The following FHIT variants were observed in gnomAD, a reference collection of about 807,000 sequenced individuals.
The protein encoded by FHIT is fragile histidine triad diadenosine triphosphatase.
Under a neutral mutation model 17.9 loss-of-function variants are expected in FHIT, and 19 were observed. The observed-to-expected ratio is 1.06, with a 90% confidence interval of 0.74 to 1.56. FHIT has a LOEUF of 1.56. FHIT is among the 40% of genes most tolerant of loss of function. The probability of loss-of-function intolerance (pLI) is 0.00; values close to 1 mark genes in which losing one functional copy is unlikely to be tolerated. For missense variants in FHIT, 248 were observed against 189.2 expected, an observed-to-expected ratio of 1.31 and a Z score of -1.82; for synonymous variants, 81 against 69.7, an observed-to-expected ratio of 1.16 and a Z score of -0.81.
At chr3:60,252,090 T>C (rs553841269) in intron 5 of FHIT, among the ~76,000 whole-genome samples, 2 of 152,208 alleles carry the variant, frequency 1.3e-5, no homozygotes, top group Non-Finnish European at 2.9e-5. Context: ...ATTGGCTGTA[T>C]GACAAAATAT....
intron 5 of FHIT, among the ~76,000 whole-genome samples, chr3:60,446,634 T>G (rs1315102543): frequency 1.3e-5 from 2 of 152,008 alleles, no homozygotes; most frequent in African/African-American, 4.8e-5. Flanking sequence ...GGAAAATGGC[T>G]TGAAGCCAGG....
intron 4 of FHIT, among the ~76,000 whole-genome samples, chr3:60,807,172 G>T (rs1237942533): frequency 6.6e-6 from 1 of 152,158 alleles, no homozygotes; most frequent in East Asian, 1.9e-4. Context: ...TCTAGAAGTT[G>T]TAGAATTTAT....
At chr3:60,290,277 C>T (rs1180953659) in intron 5 of FHIT, among the ~76,000 whole-genome samples, 1 of 152,150 alleles carries the variant, frequency 6.6e-6, no homozygotes, top group African/African-American at 2.4e-5. Flanking sequence ...CAGCCCACCA[C>T]CTCCTGCTAT....
At chr3:60,434,984 C>G (rs1264096390) in intron 5 of FHIT, among the ~76,000 whole-genome samples, 1 of 152,100 alleles carries the variant, frequency 6.6e-6, no homozygotes, top group African/African-American at 2.4e-5. Context: ...CAAAGATCTT[C>G]TTTTTTGGTT....
chr3:60,371,602 T>C (rs940757736), intron 5 of FHIT, among the ~76,000 whole-genome samples: 2 of 152,178 alleles, frequency 1.3e-5, no homozygotes, highest in Non-Finnish European at 2.9e-5. Flanking sequence ...CTTACTGGAA[T>C]GAAAAGCAAT....
intron 8 of FHIT, among the ~76,000 whole-genome samples, chr3:59,766,349 C>G (rs1300017114): frequency 1.3e-5 from 2 of 152,174 alleles, no homozygotes; most frequent in African/African-American, 4.8e-5. Context: ...AAATGTCCAC[C>G]AAAGTTGCAA....
chr3:59,898,972 T>C (rs1457512735), intron 8 of FHIT, among the ~76,000 whole-genome samples: 1 of 152,126 alleles, frequency 6.6e-6, no homozygotes, highest in Non-Finnish European at 1.5e-5. Flanking sequence ...AGTGAGATGC[T>C]AAGGGGCAAG....
intron 5 of FHIT, among the ~76,000 whole-genome samples, chr3:60,181,442 G>A (rs1178712462): frequency 2.6e-5 from 4 of 152,100 alleles, no homozygotes; most frequent in Admixed American, 1.3e-4. Flanking sequence ...CACAGTGCCT[G>A]ACCCCAGATT....
chr3:60,741,274 G>C (rs2042235570), intron 4 of FHIT, among the ~76,000 whole-genome samples: 3 of 152,190 alleles, frequency 2.0e-5, no homozygotes, highest in Admixed American at 2.0e-4. Flanking sequence ...AGCACCTACT[G>C]TGTTGTGCCA....
At chr3:60,054,444 C>T (rs766273313) in intron 5 of FHIT, among the ~76,000 whole-genome samples, 7 of 152,158 alleles carry the variant, frequency 4.6e-5, no homozygotes, top group African/African-American at 1.4e-4. Context: ...GATCCTGTTG[C>T]CAATGAAGTG....
intron 5 of FHIT, among the ~76,000 whole-genome samples, chr3:60,109,426 A>C (rs900838164): frequency 7.4e-5 from 11 of 148,706 alleles, no homozygotes; most frequent in Admixed American, 6.3e-4. Flanking sequence ...AGTGAGTCTT[A>C]GGGAACGGAA....
chr3:60,444,237 T>C lies in FHIT; in HGVS notation c.103+92623A>G, dbSNP rs537488338. ...GTGGAGAAATAGGAACACTTTTACA[T>C]TGTTGGTGGGAATGTAAACTACTTC... is the stretch of plus-strand genomic sequence containing the variant. On this transcript the variant is annotated intron_variant, in intron 5 of 9. Coordinates refer to ENST00000492590, the MANE Select transcript of FHIT (RefSeq NM_002012.4). Among the ~76,000 whole-genome samples the C allele has an allele frequency of 6.1e-4, 93 of 152,254 alleles. No homozygotes were observed. In the East Asian group the frequency reaches 0.012, roughly 20 times the overall value.
intron 8 of FHIT, among the ~76,000 whole-genome samples, chr3:59,816,002 G>A (rs1053309074): frequency 1.3e-5 from 2 of 152,198 alleles, no homozygotes; most frequent in African/African-American, 2.4e-5. Context: ...TGCCATTTCT[G>A]GTTGTTGTCA....
intron 8 of FHIT, among the ~76,000 whole-genome samples, chr3:59,809,847 C>T (rs1303240006): frequency 6.6e-6 from 1 of 152,164 alleles, no homozygotes; most frequent in Non-Finnish European, 1.5e-5. Flanking sequence ...CTCCTTTGTT[C>T]CCCGCTCTCC....
intron 5 of FHIT, among the ~76,000 whole-genome samples, chr3:60,408,529 G>T (rs967228818): frequency 6.6e-6 from 1 of 152,082 alleles, no homozygotes; most frequent in Non-Finnish European, 1.5e-5. Flanking sequence ...GATAGAGGAT[G>T]AGGAAAAAGA....
Position 59,934,696 on chromosome 3 carries a change from G to T in FHIT, c.280-12282C>A, listed in dbSNP as rs181461141. ...AGGAAACTTACAATCATGGCAGAAG[G>T]GGAAGCAAACATATCCTTCTTCACA... is the stretch of plus-strand genomic sequence containing the variant. On this transcript the variant is annotated intron_variant, in intron 7 of 9. Coordinates refer to ENST00000492590, the MANE Select transcript of FHIT (RefSeq NM_002012.4). Among the ~76,000 whole-genome samples the T allele has an allele frequency of 9.1e-4, 139 of 152,176 alleles. 1 individual carries two copies. Among genetic ancestry groups the T allele is most frequent in the African/African-American group, 3.3e-3 (136 of 41,534 alleles).
chr3:59,858,081 G>A (rs1300186989), intron 8 of FHIT, among the ~76,000 whole-genome samples: 1 of 152,134 alleles, frequency 6.6e-6, no homozygotes, highest in Non-Finnish European at 1.5e-5. Context: ...AGACAAGTAA[G>A]TAATGCAGAG....
chr3:60,406,091 G>A (rs1701846535), intron 5 of FHIT, among the ~76,000 whole-genome samples: 1 of 152,106 alleles, frequency 6.6e-6, no homozygotes, highest in Non-Finnish European at 1.5e-5. Flanking sequence ...ATAATATGGA[G>A]GTATCAGGTA....
chr3:60,684,528 T>C (rs1180597847), intron 4 of FHIT, among the ~76,000 whole-genome samples: 2 of 152,118 alleles, frequency 1.3e-5, no homozygotes, highest in African/African-American at 4.8e-5. Context: ...GTGTGACCTG[T>C]CGTCTCCATC....
Sources: allele counts gnomAD v4.1 joint callset (sites outside exome capture counted in the v4.1 genomes callset), GRCh38; gene constraint gnomAD v4.1.1; transcripts MANE v1.5; gene names NCBI Gene and HGNC (gene_info 2026-07-23, HGNC 2026-07-21).